The following NICOL1 variants were observed in gnomAD, a reference collection of about 807,000 sequenced individuals.
The protein encoded by NICOL1 is NELL2-interacting cell ontogeny regulator 1.
At chr4:2,038,925 G>A in the NICOL1 span, among the ~76,000 whole-genome samples, 1 of 152,156 alleles carries the variant, frequency 6.6e-6, no homozygotes, top group Non-Finnish European at 1.5e-5. Context: ...AAAATCCTCA[G>A]CTCTGTCAAC....
At chr4:2,041,087 G>A in the NICOL1 span, among the ~76,000 whole-genome samples, 1 of 151,510 alleles carries the variant, frequency 6.6e-6, no homozygotes, top group Non-Finnish European at 1.5e-5. Flanking sequence ...CCAAGAAGAG[G>A]GTCTGGCGGG....
the NICOL1 span, chr4:2,042,868 G>T: frequency 7.4e-7 from 1 of 1,359,902 alleles, no homozygotes; most frequent in Non-Finnish European, 9.8e-7. Context: ...TTCCCAGGGG[G>T]TGGGGAGGGC....
chr4:2,041,804 C>T, the NICOL1 span: 14 of 549,668 alleles, frequency 2.5e-5, no homozygotes, highest in Non-Finnish European at 4.1e-5. Flanking sequence ...GCGCCGCCTC[C>T]TCCAGGCAGT....
the NICOL1 span, chr4:2,042,964 C>T: frequency 3.5e-6 from 2 of 571,316 alleles, no homozygotes; most frequent in Middle Eastern, 3.4e-4. Flanking sequence ...TTGCCCCCTT[C>T]CTCTGGCTCC....
At chr4:2,042,361 C>A in the NICOL1 span, 1 of 512,594 alleles carries the variant, frequency 2.0e-6, no homozygotes, top group Non-Finnish European at 3.4e-6. Flanking sequence ...CATGGCCCCC[C>A]CGCCCGCGTG....
the NICOL1 span, among the ~76,000 whole-genome samples, chr4:2,037,798 T>C: frequency 2.6e-5 from 4 of 151,820 alleles, no homozygotes; most frequent in African/African-American, 9.7e-5. Context: ...TGAAACAAAT[T>C]GCTGAACATA....
chr4:2,038,372 C>T, the NICOL1 span, among the ~76,000 whole-genome samples: 3 of 150,478 alleles, frequency 2.0e-5, no homozygotes, highest in East Asian at 2.0e-4. Flanking sequence ...ACTGCAGCCT[C>T]GAACTCCTAG....
the NICOL1 span, chr4:2,042,694 C>T: frequency 5.2e-6 from 6 of 1,160,148 alleles, no homozygotes; most frequent in African/African-American, 3.2e-5. Context: ...TTGCGGGTGA[C>T]CCCCCCTGCG....
the NICOL1 span, among the ~76,000 whole-genome samples, chr4:2,043,693 C>T: frequency 1.2e-4 from 19 of 152,292 alleles, no homozygotes; most frequent in East Asian, 3.3e-3. Flanking sequence ...GGAGCCACTG[C>T]AGAGGAAAGA....
chr4:2,042,037 C>T, the NICOL1 span: 3 of 1,477,268 alleles, frequency 2.0e-6, no homozygotes, highest in Admixed American at 2.6e-5. Flanking sequence ...CCGGTGTCCC[C>T]GCGCTGCTGG....
the NICOL1 span, among the ~76,000 whole-genome samples, chr4:2,041,354 G>A: frequency 6.6e-6 from 1 of 152,334 alleles, no homozygotes; most frequent in Non-Finnish European, 1.5e-5. Context: ...ACAGCCCTGA[G>A]TTCACGGGAC....
At chr4:2,040,671 C>A in the NICOL1 span, among the ~76,000 whole-genome samples, 1 of 152,194 alleles carries the variant, frequency 6.6e-6, no homozygotes, top group Admixed American at 6.5e-5. Flanking sequence ...GCCGCTGCCT[C>A]CCCAGGCGCC....
At chr4:2,037,353 C>A in the NICOL1 span, among the ~76,000 whole-genome samples, 1 of 152,198 alleles carries the variant, frequency 6.6e-6, no homozygotes, top group African/African-American at 2.4e-5. Context: ...CTCGGCCTCC[C>A]AAAGTGCCGG....
chr4:2,043,776 A>G, the NICOL1 span: 2 of 1,144,324 alleles, frequency 1.7e-6, no homozygotes, highest in Non-Finnish European at 2.5e-6. Context: ...GCCGGTGGAG[A>G]TAGGGCTGCC....
At chr4:2,041,885 C>T in the NICOL1 span, 15 of 1,210,020 alleles carry the variant, frequency 1.2e-5, no homozygotes, top group South Asian at 2.6e-4. Context: ...GCCAGGCACA[C>T]CCGATTCCTG....
chr4:2,037,550 T>A, the NICOL1 span, among the ~76,000 whole-genome samples: 1 of 152,236 alleles, frequency 6.6e-6, no homozygotes, highest in African/African-American at 2.4e-5. Context: ...CTTCTAGAAG[T>A]GTTTCTTCAT....
At chr4:2,043,091 C>A in the NICOL1 span, among the ~76,000 whole-genome samples, 1 of 152,186 alleles carries the variant, frequency 6.6e-6, no homozygotes, top group Admixed American at 6.5e-5. Flanking sequence ...TGTCCTATGA[C>A]CGCCACTCCT....
the NICOL1 span, chr4:2,042,726 C>A: frequency 6.6e-7 from 1 of 1,503,966 alleles, no homozygotes. Flanking sequence ...CTGACCCGCG[C>A]CCCCCGCAGG....
the NICOL1 span, among the ~76,000 whole-genome samples, chr4:2,043,475 C>G: frequency 6.6e-6 from 1 of 152,330 alleles, no homozygotes; most frequent in African/African-American, 2.4e-5. Flanking sequence ...CTCCAGAGGG[C>G]TCCGACTAAG....
Sources: allele counts gnomAD v4.1 joint callset (sites outside exome capture counted in the v4.1 genomes callset), GRCh38; gene constraint gnomAD v4.1.1; transcripts MANE v1.5; gene names NCBI Gene and HGNC (gene_info 2026-07-23, HGNC 2026-07-21).